The following RGS7 variants were observed in gnomAD, a reference collection of about 807,000 sequenced individuals.
RGS7 encodes regulator of G-protein signaling 7.
Under a neutral mutation model 81.1 loss-of-function variants are expected in RGS7, and 27 were observed. The ratio of observed to expected loss-of-function variants is 0.33; its 90% CI spans 0.25 to 0.46. RGS7 has a LOEUF of 0.46. RGS7 is among the 20% of genes least tolerant of loss of function. The pLI, the probability that RGS7 is intolerant of heterozygous loss-of-function variation, is 1.00. For synonymous variants in RGS7, 208 were observed against 207.7 expected (o/e 1.00, Z -0.01); for missense variants, 396 against 607.4 (o/e 0.65, Z 3.66).
chr1:241,191,896 G>GGGTGCC (rs1216719486), intron 2 of RGS7, among the ~76,000 whole-genome samples: 18 of 152,314 alleles, frequency 1.2e-4, no homozygotes, highest in African/African-American at 4.1e-4. Context: ...ATGCGGGCAG[G>GGGTGCC]GGTGCCTCAC....
chr1:241,211,043 G>C (rs1309810277), intron 2 of RGS7, among the ~76,000 whole-genome samples: 1 of 152,168 alleles, frequency 6.6e-6, no homozygotes, highest in African/African-American at 2.4e-5. Context: ...CCAGCACTTT[G>C]GGAGGACGAG....
intron 2 of RGS7, among the ~76,000 whole-genome samples, chr1:241,125,136 A>C (rs2066560391): frequency 6.6e-6 from 1 of 152,156 alleles, no homozygotes; most frequent in African/African-American, 2.4e-5. Context: ...AGTGTGAAGA[A>C]GTCTTAAGCC....
At chr1:240,823,112 T>C in intron 10 of RGS7, 2 of 1,088,270 alleles carry the variant, frequency 1.8e-6, no homozygotes, top group South Asian at 1.3e-5. Context: ...GAATCAAAGT[T>C]CTTTTCTGGT....
At chr1:241,038,500 T>C (rs112203044) in intron 3 of RGS7, among the ~76,000 whole-genome samples, 2 of 152,148 alleles carry the variant, frequency 1.3e-5, no homozygotes, top group Admixed American at 6.6e-5. Context: ...TTGACAAGTA[T>C]AGTTAATAGA....
chr1:241,261,153 G>A (rs1276285646), intron 2 of RGS7, among the ~76,000 whole-genome samples: 5 of 151,866 alleles, frequency 3.3e-5, no homozygotes, highest in Admixed American at 6.6e-5. Flanking sequence ...AGGCTTCTTC[G>A]AACCTCAAAG....
At chr1:241,129,271 A>AC (rs1293509738) in intron 2 of RGS7, among the ~76,000 whole-genome samples, 4 of 152,130 alleles carry the variant, frequency 2.6e-5, no homozygotes, top group African/African-American at 7.2e-5. Context: ...AAACAAACAA[A>AC]AAAAAAACGG....
At chr1:241,075,635 A>G (rs986885910) in intron 3 of RGS7, among the ~76,000 whole-genome samples, 11 of 152,310 alleles carry the variant, frequency 7.2e-5, no homozygotes, top group African/African-American at 2.6e-4. Context: ...ATGTTTTAAG[A>G]AAGTTTACAA....
intron 2 of RGS7, among the ~76,000 whole-genome samples, chr1:241,291,506 TGCCTACTGAAGGGAAGGTAGGG>T (rs2079082872): frequency 6.6e-6 from 1 of 151,118 alleles, no homozygotes; most frequent in Non-Finnish European, 1.5e-5. Flanking sequence ...GGGGCAATGT[TGCCTACTGAAGGGAAGGTAGGG>T]GCAAGCCTTA....
chr1:241,212,302 C>T (rs554757283), intron 2 of RGS7, among the ~76,000 whole-genome samples: 2 of 152,156 alleles, frequency 1.3e-5, no homozygotes, highest in Non-Finnish European at 2.9e-5. Context: ...TATCACTAGT[C>T]AAGTGTTTGT....
chr1:241,045,684 G>A (rs987984211), intron 3 of RGS7, among the ~76,000 whole-genome samples: 4 of 152,252 alleles, frequency 2.6e-5, no homozygotes, highest in Non-Finnish European at 5.9e-5. Flanking sequence ...TCACTGAACA[G>A]TGAACGCTAT....
At chr1:241,081,593 A>G (rs932266643) in intron 3 of RGS7, among the ~76,000 whole-genome samples, 8 of 152,220 alleles carry the variant, frequency 5.3e-5, no homozygotes, top group African/African-American at 1.7e-4. Context: ...GTGAAGTTCA[A>G]TATTTCTTCA....
intron 9 of RGS7, among the ~76,000 whole-genome samples, chr1:240,829,005 C>G (rs1420105682): frequency 6.6e-6 from 1 of 152,158 alleles, no homozygotes; most frequent in African/African-American, 2.4e-5. Flanking sequence ...CAGCTGTTCA[C>G]TACAGTAACG....
rs977584240 is a variant in RGS7, at chr1:241,061,873, T to C, written c.175+36793A>G. Among the ~76,000 whole-genome samples, 10 of 152,308 alleles carry C rather than the reference T, an allele frequency of 6.6e-5. No individual in the cohort carries two copies. The East Asian group carries it at 1.7e-3, about 26-fold the overall frequency. On this transcript the variant is annotated intron_variant, in intron 3 of 18. Coordinates refer to ENST00000440928, the MANE Select transcript of RGS7 (RefSeq NM_001364886.1). ...CATCTGCCCCATTGAACCTTGACTC[T>C]GTGAAATTCTGAGTCTGTACCTCCC...
chr1:240,869,542 A>T (rs755947489), intron 7 of RGS7, among the ~76,000 whole-genome samples: 31 of 152,308 alleles, frequency 2.0e-4, no homozygotes, highest in Non-Finnish European at 3.4e-4. Flanking sequence ...GAGTTTATGT[A>T]TTTAGAGTTT....
intron 2 of RGS7, among the ~76,000 whole-genome samples, chr1:241,303,193 T>C (rs1332183210): frequency 1.3e-5 from 2 of 148,964 alleles, no homozygotes; most frequent in Non-Finnish European, 3.0e-5. Flanking sequence ...AGGAGCCTGG[T>C]GGGAGGTGAT....
At chr1:241,162,912 G>A (rs1018736142) in intron 2 of RGS7, among the ~76,000 whole-genome samples, 1 of 152,198 alleles carries the variant, frequency 6.6e-6, no homozygotes, top group Non-Finnish European at 1.5e-5. Context: ...TCTATTGATA[G>A]CTGTTGCCAT....
At chr1:241,273,058 C>T (rs2077998482) in intron 2 of RGS7, among the ~76,000 whole-genome samples, 1 of 151,792 alleles carries the variant, frequency 6.6e-6, no homozygotes, top group South Asian at 2.1e-4. Flanking sequence ...CCTTGGTCTG[C>T]TTCTGTTGAC....
chr1:241,047,919 T>C (rs2061028141), intron 3 of RGS7, among the ~76,000 whole-genome samples: 1 of 151,956 alleles, frequency 6.6e-6, no homozygotes, highest in Non-Finnish European at 1.5e-5. Flanking sequence ...TTTGTATTTT[T>C]AGTAGAGATG....
At chr1:240,934,670 T>G (rs1324900398) in intron 5 of RGS7, among the ~76,000 whole-genome samples, 1 of 152,298 alleles carries the variant, frequency 6.6e-6, no homozygotes, top group Admixed American at 6.5e-5. Flanking sequence ...TTAGCACTAA[T>G]GTAATTTTAA....
Sources: gnomAD v4.1 joint callset for allele counts (sites outside exome capture counted in the v4.1 genomes callset) on GRCh38, gnomAD v4.1.1 for gene constraint, MANE v1.5 for transcripts, NCBI Gene and HGNC (gene_info 2026-07-23, HGNC 2026-07-21) for gene names.